The following OSTN variants were observed in gnomAD, a reference collection of about 807,000 sequenced individuals.
OSTN encodes osteocrin.
In OSTN, 9 loss-of-function variants were observed where a neutral mutation model predicts 12.0. The ratio of observed to expected loss-of-function variants is 0.75; its 90% CI spans 0.45 to 1.30. The LOEUF (loss-of-function observed/expected upper bound fraction) is 1.30, where lower values mean the gene tolerates loss of function less well. Among genes scored for constraint, OSTN ranks in the 50% most tolerant of loss-of-function variants. The pLI is 0.00. For synonymous variants in OSTN, 59 were observed against 56.9 expected, an observed-to-expected ratio of 1.04 and a Z score of -0.16; for missense variants, 148 against 152.3, an observed-to-expected ratio of 0.97 and a Z score of 0.15.
intron 3 of OSTN, 67 bp from the exon 4 acceptor site, chr3:191,249,969 TA>T: frequency 8.0e-7 from 1 of 1,247,464 alleles, no homozygotes; most frequent in Non-Finnish European, 1.2e-6. Context: ...CTACATAAAA[TA>T]AAGAACAAAA....
intron 3 of OSTN, among the ~76,000 whole-genome samples, chr3:191,246,657 G>C (rs575489616): frequency 9.4e-4 from 142 of 150,610 alleles, no homozygotes; most frequent in Non-Finnish European, 1.7e-3. Flanking sequence ...GGAAGGGAAA[G>C]GTAAAGGGGA....
At chr3:191,220,281 C>G (rs1349921) in intron 3 of OSTN, among the ~76,000 whole-genome samples, 1 of 151,898 alleles carries the variant, frequency 6.6e-6, no homozygotes, top group African/African-American at 2.4e-5. Flanking sequence ...GAAGACCATA[C>G]CTTATACTAC....
intron 3 of OSTN, among the ~76,000 whole-genome samples, chr3:191,231,533 C>G (rs1053858505): frequency 2.0e-5 from 3 of 152,080 alleles, no homozygotes; most frequent in Non-Finnish European, 4.4e-5. Context: ...TTTTCAAATT[C>G]TATGAGACAA....
chr3:191,257,470 G>C (rs1715699020), intron 4 of OSTN, among the ~76,000 whole-genome samples: 1 of 152,056 alleles, frequency 6.6e-6, no homozygotes, highest in African/African-American at 2.4e-5. Context: ...TCTCCCAGCA[G>C]GGGAGGCATA....
At chr3:191,261,165 G>A (rs539552474) in intron 4 of OSTN, among the ~76,000 whole-genome samples, 1 of 152,312 alleles carries the variant, frequency 6.6e-6, no homozygotes, top group East Asian at 1.9e-4. Context: ...AACTGAAGGT[G>A]CCAAGGGCTA....
Position 191,212,645 on chromosome 3 carries a change from C to G in OSTN, c.102+11C>G. On this transcript the variant is annotated intron_variant, in intron 2 of 4. Transcript: ENST00000682035. ...GTAACAACAACAGAGGTAATGGAAA[C>G]TAGCTTACAGAAATAAATATACATG... 2 of 1,411,412 alleles carry G rather than the reference C, an allele frequency of 1.4e-6. No individual in the cohort carries two copies. The highest frequency in any genetic ancestry group is 1.5e-5 in the South Asian group (1 of 64,758). The allele number at this position is 1,411,412 out of a possible 1,614,324, so 87.4% of individuals were successfully genotyped here. A position where few individuals can be genotyped will look rare whatever the true frequency, so the allele number is the denominator to read the frequency against.
intron 3 of OSTN, among the ~76,000 whole-genome samples, chr3:191,222,819 C>T (rs1339053698): frequency 1.3e-5 from 2 of 151,838 alleles, no homozygotes; most frequent in African/African-American, 4.8e-5. Flanking sequence ...GGGTGGCTAC[C>T]CCCATGCTGC....
intron 3 of OSTN, among the ~76,000 whole-genome samples, chr3:191,221,173 G>GT (rs1714753206): frequency 6.6e-6 from 1 of 152,138 alleles, no homozygotes; most frequent in Admixed American, 6.6e-5. Flanking sequence ...TGCCATGATT[G>GT]TAAGTTTCCT....
chr3:191,201,838 A>T (rs1714158436), intron 1 of OSTN, among the ~76,000 whole-genome samples: 1 of 152,204 alleles, frequency 6.6e-6, no homozygotes, highest in Non-Finnish European at 1.5e-5. Context: ...ACATTTTGAA[A>T]AGTTGCCATA....
chr3:191,227,442 A>C (rs1714940926), intron 3 of OSTN, among the ~76,000 whole-genome samples: 1 of 152,220 alleles, frequency 6.6e-6, no homozygotes. Flanking sequence ...AGCATAGTGC[A>C]TGTGTACTTA....
In OSTN at chr3:191,230,083, A is replaced by AATAAATAC. The variant is rs1476850072; in HGVS notation, c.317+11129_317+11130insCATAAATA. 6.5e-4 allele frequency among the ~76,000 whole-genome samples: 98 copies of AATAAATAC among 151,766 alleles called. 1 individual carries two copies. The highest frequency in any genetic ancestry group is 2.1e-3 in the African/African-American group (86 of 41,342). On this transcript the variant is annotated intron_variant, in intron 3 of 4. Transcript: ENST00000682035. ...CTCAGTCTCAATAAATAAATAAATA[A>AATAAATAC]ATAAATAAATAAATAAATAACTTAG...
intron 3 of OSTN, among the ~76,000 whole-genome samples, chr3:191,247,419 G>A (rs972882282): frequency 6.6e-6 from 1 of 152,172 alleles, no homozygotes; most frequent in Non-Finnish European, 1.5e-5. Flanking sequence ...GGTGTAGCTA[G>A]AGTAAGGATA....
intron 3 of OSTN, among the ~76,000 whole-genome samples, chr3:191,237,290 T>C (rs912599669): frequency 1.2e-4 from 19 of 152,344 alleles, no homozygotes; most frequent in African/African-American, 4.6e-4. Flanking sequence ...AATATATGCA[T>C]TAAATGAATA....
At chr3:191,237,709 A>G (rs528423596) in intron 3 of OSTN, among the ~76,000 whole-genome samples, 1 of 152,304 alleles carries the variant, frequency 6.6e-6, no homozygotes, top group East Asian at 1.9e-4. Context: ...GGAAGATGCC[A>G]ATCACCAGTT....
At chr3:191,235,639 A>T (rs984717033) in intron 3 of OSTN, among the ~76,000 whole-genome samples, 2 of 152,138 alleles carry the variant, frequency 1.3e-5, no homozygotes, top group Non-Finnish European at 2.9e-5. Flanking sequence ...CAGATCTGCT[A>T]TGCCCCTCAT....
intron 2 of OSTN, among the ~76,000 whole-genome samples, chr3:191,216,848 T>G (rs1714625135): frequency 6.6e-6 from 1 of 152,210 alleles, no homozygotes; most frequent in Non-Finnish European, 1.5e-5. Flanking sequence ...CTAGGAAGTT[T>G]CAAACTTTCC....
At chr3:191,211,309 T>C (rs781049064) in intron 1 of OSTN, among the ~76,000 whole-genome samples, 3 of 152,214 alleles carry the variant, frequency 2.0e-5, no homozygotes, top group Non-Finnish European at 4.4e-5. Flanking sequence ...CAAACATACA[T>C]TTAAGTTATT....
chr3:191,256,617 CT>C (rs1230544126), intron 4 of OSTN, among the ~76,000 whole-genome samples: 2 of 146,960 alleles, frequency 1.4e-5, no homozygotes, highest in East Asian at 1.9e-4. Context: ...GTCTCTCCCC[CT>C]CTCTCCTCCT....
At chr3:191,231,403 G>A (rs547782153) in intron 3 of OSTN, among the ~76,000 whole-genome samples, 78 of 151,342 alleles carry the variant, frequency 5.2e-4, no homozygotes, top group Non-Finnish European at 8.7e-4. Context: ...AAAATGTGAC[G>A]TATTTAGTAA....
Sources: allele counts gnomAD v4.1 joint callset (sites outside exome capture counted in the v4.1 genomes callset), GRCh38; gene constraint gnomAD v4.1.1; transcripts MANE v1.5; gene names NCBI Gene and HGNC (gene_info 2026-07-23, HGNC 2026-07-21).